Variants in CD302 observed in about 807,000 individuals in gnomAD.
The protein encoded by CD302 is CD302 molecule.
In CD302, 23 loss-of-function variants were observed where a neutral mutation model predicts 26.5. That is an observed-to-expected ratio of 0.87 (90% confidence interval 0.62 to 1.23). The LOEUF (loss-of-function observed/expected upper bound fraction) is 1.23. Among genes scored for constraint, CD302 ranks in the 50% most tolerant of loss-of-function variants. The probability of loss-of-function intolerance (pLI) is 0.00; values close to 1 mark genes in which losing one functional copy is unlikely to be tolerated. For missense variants in CD302, 290 were observed against 275.5 expected (o/e 1.05, Z -0.37); for synonymous variants, 90 against 99.4 (o/e 0.91, Z 0.56).
chr2:159,794,991 G>A (rs112140668), intron 1 of CD302, among the ~76,000 whole-genome samples: 12,089 of 151,632 alleles, frequency 0.08, 572 homozygotes, highest in African/African-American at 0.13. Context: ...TTGGGAGGCC[G>A]AGGTGGGCAG....
intron 5 of CD302, 146 bp downstream of exon 5, chr2:159,777,791 AC>A (rs1326674691): frequency 1.3e-5 from 5 of 390,622 alleles, no homozygotes; most frequent in Non-Finnish European, 2.4e-5. Flanking sequence ...GAGTCTTATT[AC>A]TAAGAGACCT....
rs573466309 is a variant in CD302, at chr2:159,771,394, C to A, written c.*457G>T. On this transcript the variant is annotated 3_prime_UTR_variant, in exon 6 of 6. Transcript: ENST00000259053. ...TTCATCTAAATCATAAAAAGATACACATTCTAGAGGAATTATCTGCCAAAA... is the reference window on the plus strand; with the variant it reads ...TTCATCTAAATCATAAAAAGATACAAATTCTAGAGGAATTATCTGCCAAAA... The A allele has an allele frequency of 6.5e-6, 1 of 152,782 alleles. No homozygotes were observed. The highest frequency in any genetic ancestry group is 6.5e-5 in the Admixed American group (1 of 15,358). 9.5% of individuals were successfully genotyped at this position (152,782 alleles called of 1,614,324 possible). A position where few individuals can be genotyped will look rare whatever the true frequency, so the allele number is the denominator to read the frequency against.
At chr2:159,775,893 T>C (rs1237921074) in intron 5 of CD302, among the ~76,000 whole-genome samples, 1 of 150,484 alleles carries the variant, frequency 6.6e-6, no homozygotes, top group Non-Finnish European at 1.5e-5. Flanking sequence ...TTATTTTTCT[T>C]TTTTTTTTGT....
chr2:159,771,120 G>A lies in CD302; in HGVS notation c.*731C>T, dbSNP rs1281561642. 3 of 152,148 alleles carry A rather than the reference G, an allele frequency of 2.0e-5. No homozygotes were observed. The highest frequency in any genetic ancestry group is 4.4e-5 in the Non-Finnish European group (3 of 68,002). The allele number at this position is 152,148 out of a possible 1,614,324, so 9.4% of individuals were successfully genotyped here. ...ATTTATAAATGCTTGAGGAGAATGA[G>A]ATACATCTTGTATAGGGGAAAGTAC... On this transcript the variant is annotated 3_prime_UTR_variant, in exon 6 of 6. Transcript: ENST00000259053.
intron 5 of CD302, among the ~76,000 whole-genome samples, chr2:159,773,461 A>ATGAT (rs1361590836): frequency 6.6e-6 from 1 of 152,250 alleles, no homozygotes; most frequent in African/African-American, 2.4e-5. Context: ...TAGGAATTAC[A>ATGAT]TGATAGTAAT....
chr2:159,781,193 A>C (rs1708495079), intron 2 of CD302, among the ~76,000 whole-genome samples, 195 bp from the exon 3 acceptor site: 2 of 152,186 alleles, frequency 1.3e-5, no homozygotes, highest in Admixed American at 1.3e-4. Context: ...AATATGATTT[A>C]TGTCATTGAA....
At chr2:159,775,330 T>A (rs369577739) in intron 5 of CD302, among the ~76,000 whole-genome samples, 2 of 152,254 alleles carry the variant, frequency 1.3e-5, no homozygotes, top group Non-Finnish European at 2.9e-5. Flanking sequence ...ATTCAGAGAT[T>A]ACTTTTCTTG....
In CD302 at chr2:159,775,440, T is replaced by G. The variant is rs992751648; in HGVS notation, c.496+2498A>C. On this transcript the variant is annotated intron_variant, in intron 5 of 5. Transcript: ENST00000259053. ...GTTCCAACTTATGTGTATCTTTATT[T>G]TTTCCAAAGTAATACATTTACGTAG... Among the ~76,000 whole-genome samples, 6 of 152,232 alleles carry G rather than the reference T, an allele frequency of 3.9e-5. No individual in the cohort carries two copies. The East Asian group carries it at 1.2e-3, about 29-fold the overall frequency.
intron 1 of CD302, among the ~76,000 whole-genome samples, chr2:159,784,567 G>T (rs1366943828): frequency 6.6e-6 from 1 of 151,842 alleles, no homozygotes; most frequent in South Asian, 2.1e-4. Context: ...CGTTGCCCAG[G>T]CTGGTCTCAA....
At chr2:159,789,708 T>C (rs1708758056) in intron 1 of CD302, among the ~76,000 whole-genome samples, 1 of 152,214 alleles carries the variant, frequency 6.6e-6, no homozygotes, top group South Asian at 2.1e-4. Flanking sequence ...TTCTAGACTT[T>C]GTAGACTTTT....
intron 1 of CD302, among the ~76,000 whole-genome samples, chr2:159,795,842 A>T (rs1708941157): frequency 6.6e-6 from 1 of 152,224 alleles, no homozygotes; most frequent in African/African-American, 2.4e-5. Context: ...CTAGATTCTG[A>T]TCCACATGAT....
chr2:159,772,198 A>C (rs1288538392), intron 5 of CD302, 145 bp from the exon 6 acceptor site: 1 of 831,248 alleles, frequency 1.2e-6, no homozygotes, highest in Non-Finnish European at 1.8e-6. Flanking sequence ...AAAATTTCGC[A>C]TTTGTTACTA....
intron 1 of CD302, 149 bp downstream of exon 1, chr2:159,797,983 G>A (rs1344915637): frequency 2.8e-6 from 2 of 704,406 alleles, no homozygotes; most frequent in Admixed American, 3.4e-5. Context: ...AGGACCCACG[G>A]GGGACGGGCG....
intron 1 of CD302, among the ~76,000 whole-genome samples, chr2:159,794,025 C>A (rs1708877153): frequency 6.7e-6 from 1 of 150,334 alleles, no homozygotes; most frequent in South Asian, 2.1e-4. Flanking sequence ...CTTTGGAAGG[C>A]TGAGGTAGGA....
Position 159,780,132 on chromosome 2 carries a change from C to T in CD302, c.342G>A (p.Lys114=). ...CCTCATCATCATCTTGGTCTGTCCA[C>T]TTATCAAATGTCATATTTGAATTAT... ...WFDNSNMTFD[K]WTDQDDDEDL... The change falls in exon 4 of 6, where the codon AAG becomes AAA. Residue 114 remains lysine, a synonymous_variant. Transcript: ENST00000259053. 1 of 1,614,120 alleles carries T rather than the reference C, an allele frequency of 6.2e-7. No individual in the cohort carries two copies.
chr2:159,781,229 T>C (rs1708496353), intron 2 of CD302, among the ~76,000 whole-genome samples: 2 of 152,158 alleles, frequency 1.3e-5, no homozygotes, highest in Admixed American at 6.5e-5. Flanking sequence ...CAGTATACTT[T>C]ACATAATTTT....
intron 2 of CD302, among the ~76,000 whole-genome samples, 177 bp downstream of exon 2, chr2:159,783,182 G>C (rs1473036798): frequency 6.6e-6 from 1 of 152,162 alleles, no homozygotes; most frequent in African/African-American, 2.4e-5. Context: ...CCAACTCCAG[G>C]ATTAAATATA....
intron 5 of CD302, among the ~76,000 whole-genome samples, chr2:159,773,543 G>A (rs893428070): frequency 5.9e-5 from 9 of 152,162 alleles, no homozygotes; most frequent in African/African-American, 1.9e-4. Flanking sequence ...TTAAAAGACC[G>A]GGTATCCTAA....
chr2:159,783,485 A>G lies in CD302; in HGVS notation c.68-16T>C, dbSNP rs370027657. 1.9e-6 allele frequency: 3 copies of G among 1,560,900 alleles called. No homozygotes were observed. The highest frequency in any genetic ancestry group is 2.6e-6 in the Non-Finnish European group (3 of 1,153,550). Reference sequence around the variant, plus strand: ...GAAGGACAGTCTATGTAGAAAAAAGAAGAACACTGTTAAATAACTTGAGAA... The same window carrying G: ...GAAGGACAGTCTATGTAGAAAAAAGGAGAACACTGTTAAATAACTTGAGAA... On this transcript the variant is annotated splice_polypyrimidine_tract_variant and intron_variant, in intron 1 of 5. Coordinates refer to ENST00000259053, the MANE Select transcript of CD302 (RefSeq NM_014880.5).
Sources: allele counts gnomAD v4.1 joint callset (sites outside exome capture counted in the v4.1 genomes callset), GRCh38; gene constraint gnomAD v4.1.1; transcripts MANE v1.5; gene names NCBI Gene and HGNC (gene_info 2026-07-23, HGNC 2026-07-21).